Variants in SKIC3 observed in about 807,000 individuals in gnomAD.
SKIC3 encodes superkiller complex protein 3.
At chr5:95,526,824 T>C in the SKIC3 span, among the ~76,000 whole-genome samples, 4 of 152,178 alleles carry the variant, frequency 2.6e-5, no homozygotes, top group Non-Finnish European at 5.9e-5. Flanking sequence ...ATTAATTCAC[T>C]GGGGATTGCA....
the SKIC3 span, among the ~76,000 whole-genome samples, chr5:95,502,089 G>C: frequency 1.8e-4 from 28 of 152,288 alleles, 1 homozygote; most frequent in Admixed American, 1.4e-3. Flanking sequence ...TTCTCAACCA[G>C]TACCATCTAA....
chr5:95,544,027 C>A, the SKIC3 span, among the ~76,000 whole-genome samples: 1 of 152,146 alleles, frequency 6.6e-6, no homozygotes, highest in Non-Finnish European at 1.5e-5. Context: ...TTACATTATT[C>A]CAGAGAAAAT....
the SKIC3 span, chr5:95,513,674 T>C: frequency 2.5e-6 from 4 of 1,593,662 alleles, no homozygotes; most frequent in Non-Finnish European, 3.4e-6. Flanking sequence ...AGACTCTTAA[T>C]GTGTTTAAAA....
At chr5:95,516,861 C>T in the SKIC3 span, 13 of 1,557,868 alleles carry the variant, frequency 8.3e-6, no homozygotes, top group African/African-American at 5.5e-5. Flanking sequence ...AAAACAACTT[C>T]GAGAAAAGCA....
chr5:95,538,637 TA>T, the SKIC3 span, among the ~76,000 whole-genome samples: 1 of 151,960 alleles, frequency 6.6e-6, no homozygotes, highest in African/African-American at 2.4e-5. Context: ...AAGTTACAAA[TA>T]AAAAAAGGAG....
the SKIC3 span, chr5:95,536,833 C>T: frequency 6.2e-7 from 1 of 1,613,072 alleles, no homozygotes; most frequent in South Asian, 1.1e-5. Context: ...CAATTAAATG[C>T]AAACAAAGCA....
chr5:95,523,079 A>G, the SKIC3 span: 2 of 1,329,520 alleles, frequency 1.5e-6, no homozygotes, highest in Non-Finnish European at 2.1e-6. Flanking sequence ...ACACCAATCA[A>G]TCATAAAGTA....
the SKIC3 span, among the ~76,000 whole-genome samples, chr5:95,491,591 T>C: frequency 1.1e-4 from 17 of 152,320 alleles, 1 homozygote; most frequent in African/African-American, 3.4e-4. Flanking sequence ...CTTCTTTCCT[T>C]CATCCTTCAC....
the SKIC3 span, among the ~76,000 whole-genome samples, chr5:95,483,977 C>A: frequency 6.6e-6 from 1 of 152,056 alleles, no homozygotes; most frequent in Admixed American, 6.6e-5. Flanking sequence ...AAGAAGGAAC[C>A]AATCAGAAAT....
the SKIC3 span, chr5:95,482,384 G>T: frequency 7.3e-7 from 1 of 1,364,660 alleles, no homozygotes; most frequent in Non-Finnish European, 1.0e-6. Context: ...GTGACAGCAA[G>T]CCAAATAAAA....
At chr5:95,480,443 T>C in the SKIC3 span, among the ~76,000 whole-genome samples, 1 of 152,142 alleles carries the variant, frequency 6.6e-6, no homozygotes, top group African/African-American at 2.4e-5. Flanking sequence ...TCAATAAGCA[T>C]ACGAAAAGTT....
At chr5:95,506,879 T>G in the SKIC3 span, 17 of 1,569,968 alleles carry the variant, frequency 1.1e-5, no homozygotes, top group South Asian at 1.8e-4. Flanking sequence ...TCCCATAGCT[T>G]TCACCAGAAA....
chr5:95,490,860 C>G, the SKIC3 span: 2 of 1,609,360 alleles, frequency 1.2e-6, no homozygotes, highest in Non-Finnish European at 1.7e-6. Context: ...TTTAACCATT[C>G]AAGAAATCTG....
the SKIC3 span, chr5:95,527,891 T>C: frequency 9.8e-7 from 1 of 1,023,704 alleles, no homozygotes. Flanking sequence ...AGTGCAGATG[T>C]GGTGAATTCA....
chr5:95,471,663 G>C, the SKIC3 span, among the ~76,000 whole-genome samples: 1 of 152,112 alleles, frequency 6.6e-6, no homozygotes, highest in African/African-American at 2.4e-5. Context: ...CAGGTGGCTG[G>C]TTCCTTTTCC....
chr5:95,489,038 T>C, the SKIC3 span, among the ~76,000 whole-genome samples: 1 of 152,196 alleles, frequency 6.6e-6, no homozygotes, highest in African/African-American at 2.4e-5. Context: ...ACATATAGGC[T>C]GGATGTGGTG....
chr5:95,522,457 C>A, the SKIC3 span: 3 of 926,866 alleles, frequency 3.2e-6, no homozygotes, highest in Non-Finnish European at 4.6e-6. Flanking sequence ...AAATTTGTTC[C>A]TTTTATGATT....
chr5:95,521,755 T>C, the SKIC3 span, among the ~76,000 whole-genome samples: 1 of 152,132 alleles, frequency 6.6e-6, no homozygotes, highest in Non-Finnish European at 1.5e-5. Context: ...GAATTAATTA[T>C]CAAAATGTAA....
the SKIC3 span, chr5:95,524,633 TAC>T: frequency 3.1e-6 from 5 of 1,609,340 alleles, no homozygotes; most frequent in Non-Finnish European, 3.4e-6. Context: ...GTAAAACAAA[TAC>T]ACACACACCC....
Sources: allele counts gnomAD v4.1 joint callset (sites outside exome capture counted in the v4.1 genomes callset), GRCh38; gene constraint gnomAD v4.1.1; transcripts MANE v1.5; gene names NCBI Gene and HGNC (gene_info 2026-07-23, HGNC 2026-07-21).